SLCO1B1: variants seen among roughly 807,000 people sequenced by gnomAD.
SLCO1B1 encodes the protein solute carrier organic anion transporter family member 1B1.
A neutral mutation model predicts 70.1 loss-of-function variants in SLCO1B1; 81 were observed. The ratio of observed to expected loss-of-function variants is 1.16; its 90% confidence interval spans 0.97 to 1.39. The LOEUF (loss-of-function observed/expected upper bound fraction) is 1.39, where lower values mean the gene tolerates loss of function less well. SLCO1B1 is among the 40% of genes most tolerant of loss of function. SLCO1B1 has a pLI of 0.00. For synonymous variants in SLCO1B1, 283 were observed against 271.5 expected, an observed-to-expected ratio of 1.04 and a Z score of -0.42; for missense variants, 895 against 799.6, an observed-to-expected ratio of 1.12 and a Z score of -1.44.
chr12:21,190,909 C>T (rs1261028008), intron 7 of SLCO1B1, among the ~76,000 whole-genome samples: 1 of 152,020 alleles, frequency 6.6e-6, no homozygotes, highest in Non-Finnish European at 1.5e-5. Flanking sequence ...AAATTAACCC[C>T]TTTTCATATA....
Position 21,176,868 on chromosome 12 carries a change from A to G in SLCO1B1, c.452A>G (p.Asn151Ser), listed in dbSNP as rs2306282. 749 of 1,562,392 alleles carry G rather than the reference A, an allele frequency of 4.8e-4. 19 individuals carry two copies. In the East Asian group the frequency reaches 0.017, roughly 35 times the overall value. The part of the protein sequence containing the change: ...TCLINQILSL[N>S]RASPEIVGKG... ...TTAATTAATCAAATTTTATCACTCA[A>G]TAGAGCATCACCTGAGATAGTGGGA... The change falls in exon 5 of 15, where the codon AAT becomes AGT. Residue 151 changes from asparagine to serine, a missense_variant. Asn to Ser is a conservative substitution (Grantham distance 46, BLOSUM62 1). Coordinates refer to ENST00000256958, the MANE Select transcript of SLCO1B1 (RefSeq NM_006446.5).
intron 8 of SLCO1B1, 55 bp from the exon 9 acceptor site, chr12:21,200,453 T>C: frequency 8.4e-7 from 1 of 1,186,280 alleles, no homozygotes; most frequent in Non-Finnish European, 1.2e-6. Context: ...ATTTTAGATA[T>C]AAATGTATAT....
At chr12:21,162,897 T>C (rs1470275335) in intron 2 of SLCO1B1, among the ~76,000 whole-genome samples, 1 of 152,214 alleles carries the variant, frequency 6.6e-6, no homozygotes. Flanking sequence ...CTTTCTGTAT[T>C]ATTTGGAAAG....
intron 13 of SLCO1B1, among the ~76,000 whole-genome samples, chr12:21,222,740 T>G (rs1401789045): frequency 6.6e-6 from 1 of 152,050 alleles, no homozygotes; most frequent in Non-Finnish European, 1.5e-5. Flanking sequence ...TTCCTCCCAG[T>G]AGGCAGAGTG....
intron 2 of SLCO1B1, among the ~76,000 whole-genome samples, chr12:21,148,873 T>C (rs1940427360): frequency 6.6e-6 from 1 of 152,124 alleles, no homozygotes; most frequent in African/African-American, 2.4e-5. Context: ...TGTTTTTCCA[T>C]TTATTTGTGT....
intron 8 of SLCO1B1, 52 bp downstream of exon 8, chr12:21,197,240 G>A (rs1941105085): frequency 3.1e-6 from 5 of 1,595,714 alleles, no homozygotes; most frequent in South Asian, 1.1e-5. Flanking sequence ...TCAATGAAAA[G>A]GAAGAATGAG....
At chr12:21,131,376 A>G (rs1298086862) in intron 1 of SLCO1B1, 140 bp downstream of exon 1, 1 of 152,184 alleles carries the variant, frequency 6.6e-6, no homozygotes, top group South Asian at 2.1e-4. Context: ...GAGCCCTTAA[A>G]ACATAGTAAA....
chr12:21,210,687 C>T (rs1941272286), intron 11 of SLCO1B1, among the ~76,000 whole-genome samples: 1 of 148,624 alleles, frequency 6.7e-6, no homozygotes, highest in Admixed American at 6.7e-5. Context: ...TCTTCCTACC[C>T]ATGAGCATGG....
chr12:21,221,624 A>G (rs968085658), intron 12 of SLCO1B1, among the ~76,000 whole-genome samples: 2 of 152,150 alleles, frequency 1.3e-5, no homozygotes. Context: ...GTTTCAAAAG[A>G]CAAACAGTCA....
chr12:21,149,023 TTGTC>T (rs1478975209), intron 2 of SLCO1B1, among the ~76,000 whole-genome samples: 1 of 152,140 alleles, frequency 6.6e-6, no homozygotes, highest in East Asian at 1.9e-4. Flanking sequence ...GGCTCTCTGT[TTGTC>T]TATTATTGGT....
intron 2 of SLCO1B1, among the ~76,000 whole-genome samples, chr12:21,168,037 G>A (rs1190974360): frequency 2.0e-5 from 3 of 151,344 alleles, no homozygotes; most frequent in Non-Finnish European, 2.9e-5. Context: ...TGGCTAGGCT[G>A]GTCTCAAACT....
intron 11 of SLCO1B1, among the ~76,000 whole-genome samples, chr12:21,214,503 T>C (rs1941331942): frequency 6.6e-6 from 1 of 150,396 alleles, no homozygotes; most frequent in South Asian, 2.1e-4. Context: ...CAGAGGTTAC[T>C]GCTGTCTTTT....
intron 14 of SLCO1B1, among the ~76,000 whole-genome samples, chr12:21,231,564 AAAAT>A (rs1941538593): frequency 1.5e-5 from 2 of 136,692 alleles, no homozygotes; most frequent in Admixed American, 1.4e-4. Context: ...TCAAGTGAGA[AAAAT>A]AAATAAATAA....
chr12:21,213,108 T>A (rs1350429726), intron 11 of SLCO1B1, among the ~76,000 whole-genome samples: 1 of 152,082 alleles, frequency 6.6e-6, no homozygotes, highest in East Asian at 1.9e-4. Context: ...CCTGTCTTTA[T>A]GATGTTAGCT....
chr12:21,145,415 C>CCCA (rs886679670), intron 2 of SLCO1B1, among the ~76,000 whole-genome samples: 4 of 151,690 alleles, frequency 2.6e-5, no homozygotes, highest in Non-Finnish European at 5.9e-5. Context: ...AAGTGATTCT[C>CCCA]CCACCTCCTG....
intron 11 of SLCO1B1, among the ~76,000 whole-genome samples, chr12:21,211,245 A>T (rs1941280482): frequency 6.6e-6 from 1 of 152,080 alleles, no homozygotes. Flanking sequence ...ATCAATACCT[A>T]ATTTATTGAG....
At chr12:21,163,191 AT>A (rs2121081428) in intron 2 of SLCO1B1, among the ~76,000 whole-genome samples, 2 of 152,148 alleles carry the variant, frequency 1.3e-5, no homozygotes, top group East Asian at 3.9e-4. Flanking sequence ...AATTTTTCTT[AT>A]TTTTATACCT....
intron 10 of SLCO1B1, among the ~76,000 whole-genome samples, chr12:21,204,594 G>A (rs1941193151): frequency 6.6e-6 from 1 of 151,510 alleles, no homozygotes; most frequent in African/African-American, 2.4e-5. Context: ...TTAGAAAGAA[G>A]TGCCAGAATT....
At chr12:21,131,285 A>C (rs1332595990) in intron 1 of SLCO1B1, 49 bp downstream of exon 1, 1 of 152,038 alleles carries the variant, frequency 6.6e-6, no homozygotes, top group Admixed American at 6.6e-5. Context: ...TTATGTAAGA[A>C]ATTTTCACGG....
Sources: allele counts gnomAD v4.1 joint callset (sites outside exome capture counted in the v4.1 genomes callset), GRCh38; gene constraint gnomAD v4.1.1; transcripts MANE v1.5; gene names NCBI Gene and HGNC (gene_info 2026-07-23, HGNC 2026-07-21).